Variants in BRAF observed in about 807,000 individuals in gnomAD.
The protein encoded by BRAF is B-Raf proto-oncogene, serine/threonine kinase, also known as serine/threonine-protein kinase B-raf.
Under a neutral mutation model 104.6 loss-of-function variants are expected in BRAF, and 16 were observed. The ratio of observed to expected loss-of-function variants is 0.15; its 90% CI spans 0.10 to 0.23. BRAF has a LOEUF of 0.23. BRAF is among the 10% of genes least tolerant of loss of function. The probability of loss-of-function intolerance (pLI) is 1.00; values close to 1 mark genes in which losing one functional copy is unlikely to be tolerated. For synonymous variants in BRAF, 310 were observed against 341.6 expected (o/e 0.91, Z 1.02); for missense variants, 541 against 937.3 (o/e 0.58, Z 5.52).
intron 16 of BRAF, 107 bp downstream of exon 15, chr7:140,753,167 TG>T: frequency 1.2e-6 from 1 of 827,208 alleles, no homozygotes; most frequent in Non-Finnish European, 2.1e-6. Context: ...TTGTGAATAC[TG>T]GGAACTATGA....
At chr7:140,893,129 G>A (rs1252309810) in intron 1 of BRAF, among the ~76,000 whole-genome samples, 5 of 152,164 alleles carry the variant, frequency 3.3e-5, no homozygotes, top group African/African-American at 1.2e-4. Context: ...AAAAATGGAG[G>A]AGTGATGTAT....
At chr7:140,827,228 T>G (rs1044231999) in intron 3 of BRAF, among the ~76,000 whole-genome samples, 4 of 152,206 alleles carry the variant, frequency 2.6e-5, no homozygotes, top group Admixed American at 2.6e-4. Context: ...ACTCACTGAT[T>G]GTAGACTGTT....
chr7:140,892,471 C>T (rs1412733155), intron 1 of BRAF, among the ~76,000 whole-genome samples: 1 of 152,122 alleles, frequency 6.6e-6, no homozygotes, highest in African/African-American at 2.4e-5. Flanking sequence ...CACAGTATCC[C>T]CCCTCATTTG....
chr7:140,916,302 C>A (rs943066432), intron 1 of BRAF, among the ~76,000 whole-genome samples: 3 of 152,156 alleles, frequency 2.0e-5, no homozygotes, highest in African/African-American at 4.8e-5. Flanking sequence ...GCCCTATAGG[C>A]CCCACTGAAA....
At chr7:140,817,799 T>A (rs1805030982) in intron 3 of BRAF, among the ~76,000 whole-genome samples, 1 of 152,200 alleles carries the variant, frequency 6.6e-6, no homozygotes, top group African/African-American at 2.4e-5. Flanking sequence ...AATGTTCTTA[T>A]TACAGCACTG....
Position 140,724,719 on chromosome 7 carries a change from T to C in BRAF, c.*1775A>G, listed in dbSNP as rs1795506469. 5 of 1,033,380 alleles carry C rather than the reference T, an allele frequency of 4.8e-6. No individual in the cohort carries two copies. The highest frequency in any genetic ancestry group is 1.7e-5 in the African/African-American group (1 of 59,422). 64.0% of individuals were successfully genotyped at this position (1,033,380 alleles called of 1,614,324 possible). A position where few individuals can be genotyped will look rare whatever the true frequency, so the allele number is the denominator to read the frequency against. On this transcript the variant is annotated 3_prime_UTR_variant, in exon 20 of 20. Coordinates refer to ENST00000644969, the MANE Select transcript of BRAF (RefSeq NM_001374258.1). The stretch of plus-strand genomic sequence containing the variant: ...ACAATCTGAAATTTTTAAATAACAA[T>C]TTCTAATTCCTTGATTTATTCTGGG...
chr7:140,790,059 C>T (rs1234989752), intron 8 of BRAF, among the ~76,000 whole-genome samples: 2 of 151,914 alleles, frequency 1.3e-5, no homozygotes, highest in Non-Finnish European at 2.9e-5. Context: ...TGTATGATAA[C>T]TATAGGACTT....
At chr7:140,885,163 C>CA (rs759412399) in intron 1 of BRAF, among the ~76,000 whole-genome samples, 8 of 152,188 alleles carry the variant, frequency 5.3e-5, no homozygotes, top group African/African-American at 1.2e-4. Context: ...TGTGCTACCA[C>CA]ACCCAGCTAC....
chr7:140,903,320 G>T (rs1432305796), intron 1 of BRAF, among the ~76,000 whole-genome samples: 1 of 152,134 alleles, frequency 6.6e-6, no homozygotes. Context: ...TAGGGCCTTT[G>T]GAATTCTGCA....
chr7:140,891,686 T>C (rs1814238981), intron 1 of BRAF, among the ~76,000 whole-genome samples: 1 of 151,556 alleles, frequency 6.6e-6, no homozygotes, highest in South Asian at 2.1e-4. Context: ...CCAAATAGCA[T>C]CCTCCAGGCA....
chr7:140,852,964 A>C (rs1360559877), intron 1 of BRAF, among the ~76,000 whole-genome samples: 1 of 152,120 alleles, frequency 6.6e-6, no homozygotes, highest in Non-Finnish European at 1.5e-5. Context: ...TCCATCTCCA[A>C]ATCAAAATAT....
downstream of BRAF, among the ~76,000 whole-genome samples, chr7:140,718,413 G>A (rs1381492007): frequency 2.0e-5 from 3 of 152,246 alleles, no homozygotes; most frequent in South Asian, 4.1e-4. Flanking sequence ...ACCACAGCCG[G>A]ATAATTTTGT....
chr7:140,819,398 T>C (rs2535951), intron 3 of BRAF, among the ~76,000 whole-genome samples: 16,879 of 152,130 alleles, frequency 0.11, 1,142 homozygotes, highest in African/African-American at 0.19. Flanking sequence ...TTGGCAGTGA[T>C]GTGAAAAAAA....
intron 9 of BRAF, among the ~76,000 whole-genome samples, chr7:140,786,999 T>C (rs973026941): frequency 6.6e-6 from 1 of 152,126 alleles, no homozygotes; most frequent in African/African-American, 2.4e-5. Context: ...CTGTAGATAA[T>C]ACATTTTAAG....
At chr7:140,873,723 A>T (rs1811875593) in intron 1 of BRAF, among the ~76,000 whole-genome samples, 1 of 152,188 alleles carries the variant, frequency 6.6e-6, no homozygotes, top group African/African-American at 2.4e-5. Flanking sequence ...ACCTCCACAC[A>T]TCCTTGACTG....
chr7:140,732,683 C>G, intron 19 of BRAF: 1 of 152,286 alleles, frequency 6.6e-6, no homozygotes, highest in Non-Finnish European at 1.5e-5. Context: ...GTGTCAGATG[C>G]AGATGATGGG....
intron 2 of BRAF, among the ~76,000 whole-genome samples, chr7:140,842,915 C>G (rs966302445): frequency 3.3e-5 from 5 of 152,126 alleles, no homozygotes; most frequent in Non-Finnish European, 5.9e-5. Context: ...AAGAGGATTT[C>G]TGATGGTGGT....
At position 140,783,107 on chromosome 7, in the gene BRAF, G is replaced by C; in HGVS notation, c.1348C>G (p.Leu450Val). ...ATPPASLPGS[L>V]TNVKALQKSP... ...TTCTGTAAGGCTTTCACGTTAGTTAGTGAGCCAGGTAATGAGGCAGGGGGG... is the reference window on the plus strand; with the variant it reads ...TTCTGTAAGGCTTTCACGTTAGTTACTGAGCCAGGTAATGAGGCAGGGGGG... Residue 450 changes from leucine to valine, a missense_variant, in exon 11 of 20, where the codon CTA (leucine) becomes GTA (valine). Leu to Val is a conservative substitution (Grantham distance 32). Transcript: ENST00000644969. 6.2e-7 allele frequency: 1 copy of C among 1,614,052 alleles called. No homozygotes were observed. Among genetic ancestry groups the C allele is most frequent in the Non-Finnish European group, 8.5e-7 (1 of 1,179,990 alleles).
At chr7:140,831,861 C>T (rs1322738635) in intron 3 of BRAF, among the ~76,000 whole-genome samples, 1 of 152,170 alleles carries the variant, frequency 6.6e-6, no homozygotes, top group African/African-American at 2.4e-5. Flanking sequence ...CAGAGCAAGA[C>T]CTTCGACTAA....
Sources: gnomAD v4.1 joint callset for allele counts (sites outside exome capture counted in the v4.1 genomes callset) on GRCh38, gnomAD v4.1.1 for gene constraint, MANE v1.5 for transcripts, NCBI Gene and HGNC (gene_info 2026-07-23, HGNC 2026-07-21) for gene names.